Variants in FBXL20 observed in about 807,000 individuals in gnomAD.
FBXL20 encodes F-box/LRR-repeat protein 20.
FBXL20 carries 11 observed loss-of-function variants against 64.0 expected under a neutral mutation model. The observed-to-expected ratio is 0.17, with a 90% CI of 0.11 to 0.28. The LOEUF is 0.28. FBXL20 is among the 10% of genes least tolerant of loss of function. The pLI is 1.00. For synonymous variants in FBXL20, 184 were observed against 189.0 expected, an observed-to-expected ratio of 0.97 and a Z score of 0.22; for missense variants, 303 against 526.2, an observed-to-expected ratio of 0.58 and a Z score of 4.15.
chr17:39,371,327 C>T (rs1431667442), intron 1 of FBXL20, among the ~76,000 whole-genome samples: 2 of 152,018 alleles, frequency 1.3e-5, no homozygotes, highest in Non-Finnish European at 2.9e-5. Context: ...TAGGCATGAG[C>T]CTGTTAATGC....
At chr17:39,286,155 A>G (rs2046986477) in intron 6 of FBXL20, among the ~76,000 whole-genome samples, 1 of 152,232 alleles carries the variant, frequency 6.6e-6, no homozygotes, top group Non-Finnish European at 1.5e-5. Flanking sequence ...AACTTCAAAT[A>G]TAAACAAGAG....
chr17:39,386,478 G>A (rs557497391), intron 1 of FBXL20, among the ~76,000 whole-genome samples: 2 of 151,670 alleles, frequency 1.3e-5, no homozygotes, highest in Non-Finnish European at 2.9e-5. Flanking sequence ...ACAAAAATTA[G>A]CTGGAAGTGG....
chr17:39,345,306 G>T (rs968672854), intron 1 of FBXL20, among the ~76,000 whole-genome samples: 2 of 152,146 alleles, frequency 1.3e-5, no homozygotes, highest in Non-Finnish European at 2.9e-5. Flanking sequence ...AGAGATGTAA[G>T]AGAGAACAAA....
At chr17:39,304,240 T>A (rs538014720) in intron 2 of FBXL20, among the ~76,000 whole-genome samples, 8 of 151,672 alleles carry the variant, frequency 5.3e-5, no homozygotes, top group South Asian at 2.1e-4. Flanking sequence ...AAAAAAAAAA[T>A]TCCCACCTAA....
At position 39,281,448 on chromosome 17, in the gene FBXL20, G is replaced by A; in HGVS notation, c.637C>T (p.Leu213Phe). ...GGGCAGTGTGCACCTATGTACTTGA[G>A]AGCTTCATCTTCTAGCTAGAAAGAT... ...KGCTQLEDEA[L>F]KYIGAHCPEL... is the part of the protein sequence containing the mutation. The change falls in exon 9 of 15, where the codon CTC becomes TTC. Residue 213 changes from leucine (L) to phenylalanine (F), a missense_variant. Physicochemically the swap from Leu to Phe is conservative, Grantham distance 22. Transcript: ENST00000264658. 6.2e-7 allele frequency: 1 copy of A among 1,613,254 alleles called. No homozygotes were observed. Among genetic ancestry groups the A allele is most frequent in the Non-Finnish European group, 8.5e-7 (1 of 1,179,634 alleles).
chr17:39,395,846 G>T (rs2048177709), intron 1 of FBXL20, among the ~76,000 whole-genome samples: 1 of 152,068 alleles, frequency 6.6e-6, no homozygotes, highest in South Asian at 2.1e-4. Flanking sequence ...AGAAGCTCTG[G>T]CATTAGAAAG....
intron 11 of FBXL20, among the ~76,000 whole-genome samples, chr17:39,269,982 A>G (rs1269888989): frequency 6.6e-6 from 1 of 152,212 alleles, no homozygotes; most frequent in Non-Finnish European, 1.5e-5. Flanking sequence ...ATCTGCCTAA[A>G]AGCAAACGAC....
chr17:39,334,147 A>G (rs1487177071), intron 2 of FBXL20, among the ~76,000 whole-genome samples: 1 of 152,226 alleles, frequency 6.6e-6, no homozygotes, highest in Non-Finnish European at 1.5e-5. Context: ...CTGCCTTGGG[A>G]TGTTGTTAAT....
Position 39,260,471 on chromosome 17 carries a change from T to C in FBXL20, c.*989A>G, listed in dbSNP as rs931087465. The stretch of plus-strand genomic sequence containing the variant: ...AATTATCACATATCAGAAGATAAAA[T>C]AGAAACCAAAAGGTAGCATCTGTTT... On this transcript the variant is annotated 3_prime_UTR_variant, in exon 15 of 15. Coordinates refer to ENST00000264658, the MANE Select transcript of FBXL20 (RefSeq NM_032875.3). 2 of 152,194 alleles carry C rather than the reference T, an allele frequency of 1.3e-5. No homozygotes were observed. The highest frequency in any genetic ancestry group is 2.4e-5 in the African/African-American group (1 of 41,422). The allele number at this position is 152,194 out of a possible 1,614,324, so 9.4% of individuals were successfully genotyped here. A position where few individuals can be genotyped will look rare whatever the true frequency, so the allele number is the denominator to read the frequency against.
intron 1 of FBXL20, among the ~76,000 whole-genome samples, chr17:39,363,883 CTTTTTTTT>C (rs71147324): frequency 2.5e-4 from 12 of 48,684 alleles, no homozygotes; most frequent in African/African-American, 4.5e-4. Flanking sequence ...TGAATCATAT[CTTTTTTTT>C]TTTTTTTTTT....
At chr17:39,397,540 G>C (rs1036162765) in intron 1 of FBXL20, among the ~76,000 whole-genome samples, 3 of 152,120 alleles carry the variant, frequency 2.0e-5, no homozygotes, top group Non-Finnish European at 4.4e-5. Flanking sequence ...AAGCTACTAA[G>C]AGCATGACAA....
chr17:39,266,583 G>A (rs933489419), intron 12 of FBXL20, among the ~76,000 whole-genome samples: 2 of 152,158 alleles, frequency 1.3e-5, no homozygotes, highest in African/African-American at 4.8e-5. Context: ...CTGGCCTCAG[G>A]TGATCCACCT....
At chr17:39,400,522 C>A (rs2048230956) in intron 1 of FBXL20, among the ~76,000 whole-genome samples, 1 of 152,138 alleles carries the variant, frequency 6.6e-6, no homozygotes, top group African/African-American at 2.4e-5. Flanking sequence ...TTCTCTTGAC[C>A]CTCAAGGAAC....
intron 2 of FBXL20, among the ~76,000 whole-genome samples, chr17:39,306,154 C>CTTTT (rs113757275): frequency 3.6e-5 from 5 of 140,718 alleles, no homozygotes; most frequent in Admixed American, 7.2e-5. Context: ...AGAGTGAGTT[C>CTTTT]TTTTTTTTTT....
chr17:39,297,055 G>A, intron 6 of FBXL20, 72 bp downstream of exon 6: 2 of 1,031,176 alleles, frequency 1.9e-6, no homozygotes, highest in African/African-American at 1.6e-5. Flanking sequence ...AGAGTTAATG[G>A]CCTGAATTTA....
intron 9 of FBXL20, among the ~76,000 whole-genome samples, chr17:39,280,334 C>T (rs1189326889): frequency 1.4e-5 from 2 of 144,100 alleles, no homozygotes; most frequent in Non-Finnish European, 3.0e-5. Flanking sequence ...ACCCGGGAAG[C>T]AGGGTTGCAG....
chr17:39,363,883 C>CTTTT (rs71147324), intron 1 of FBXL20, among the ~76,000 whole-genome samples: 32 of 48,678 alleles, frequency 6.6e-4, no homozygotes, highest in African/African-American at 2.6e-3. Context: ...TGAATCATAT[C>CTTTT]TTTTTTTTTT....
chr17:39,361,546 C>A (rs2047793857), intron 1 of FBXL20, among the ~76,000 whole-genome samples: 1 of 152,114 alleles, frequency 6.6e-6, no homozygotes, highest in South Asian at 2.1e-4. Context: ...GCCTGTAATC[C>A]CAGCACTTTG....
At chr17:39,346,841 C>G (rs9905616) in intron 1 of FBXL20, among the ~76,000 whole-genome samples, 5 of 136,546 alleles carry the variant, frequency 3.7e-5, no homozygotes, top group Admixed American at 3.0e-4. Context: ...ATCTCTCCCC[C>G]CTCCCCCCAC....
Sources: gnomAD v4.1 joint callset for allele counts (sites outside exome capture counted in the v4.1 genomes callset) on GRCh38, gnomAD v4.1.1 for gene constraint, MANE v1.5 for transcripts, NCBI Gene and HGNC (gene_info 2026-07-23, HGNC 2026-07-21) for gene names.